PRKCE: variants seen among roughly 807,000 people sequenced by gnomAD.
PRKCE encodes the protein protein kinase C epsilon type.
PRKCE carries 16 observed loss-of-function variants against 85.4 expected under a neutral mutation model. That is an observed-to-expected ratio of 0.19 (90% CI 0.13 to 0.28). PRKCE has a LOEUF of 0.28. Among genes scored for constraint, PRKCE ranks in the 10% least tolerant of loss-of-function variants. The probability of loss-of-function intolerance (pLI) is 1.00; values close to 1 mark genes in which losing one functional copy is unlikely to be tolerated. For missense variants in PRKCE, 573 were observed against 975.2 expected (o/e 0.59, Z 5.49); for synonymous variants, 388 against 371.5 (o/e 1.04, Z -0.51).
At chr2:45,780,348 A>C (rs1185157821) in intron 1 of PRKCE, among the ~76,000 whole-genome samples, 1 of 151,988 alleles carries the variant, frequency 6.6e-6, no homozygotes, top group Non-Finnish European at 1.5e-5. Context: ...TTGTCCTGTA[A>C]AGTTTCCCAC....
intron 2 of PRKCE, among the ~76,000 whole-genome samples, chr2:45,925,215 T>A (rs1698521650): frequency 6.6e-6 from 1 of 152,202 alleles, no homozygotes; most frequent in African/African-American, 2.4e-5. Flanking sequence ...GGTGTTCCCC[T>A]TTCCTTTCCT....
chr2:45,711,265 T>C (rs748048421), intron 1 of PRKCE, among the ~76,000 whole-genome samples: 1 of 152,172 alleles, frequency 6.6e-6, no homozygotes, highest in East Asian at 1.9e-4. Flanking sequence ...ACCAGAGTAA[T>C]AGACAACAGC....
chr2:46,044,990 G>A (rs148226624), intron 10 of PRKCE, among the ~76,000 whole-genome samples: 2 of 152,182 alleles, frequency 1.3e-5, no homozygotes, highest in Non-Finnish European at 2.9e-5. Flanking sequence ...TTATTTTACA[G>A]AGCAGTATAC....
At chr2:46,108,197 C>T (rs557480825) in intron 11 of PRKCE, among the ~76,000 whole-genome samples, 17 of 152,304 alleles carry the variant, frequency 1.1e-4, no homozygotes, top group African/African-American at 3.9e-4. Flanking sequence ...AGGTGTGAGC[C>T]TCCATGCCTG....
chr2:45,744,467 T>TTC (rs1181751159), intron 1 of PRKCE, among the ~76,000 whole-genome samples: 706 of 64,522 alleles, frequency 0.011, 21 homozygotes, highest in Non-Finnish European at 0.016. Context: ...CTTTCTTTCT[T>TTC]TCTTTCTTTC....
intron 1 of PRKCE, among the ~76,000 whole-genome samples, chr2:45,720,201 G>C (rs1370372437): frequency 6.6e-6 from 1 of 152,176 alleles, no homozygotes; most frequent in Non-Finnish European, 1.5e-5. Flanking sequence ...AGGGAAACAA[G>C]ACTTCAAAGC....
At chr2:45,668,662 C>T (rs1676022656) in intron 1 of PRKCE, among the ~76,000 whole-genome samples, 1 of 152,040 alleles carries the variant, frequency 6.6e-6, no homozygotes. Flanking sequence ...CACTTTTCAC[C>T]CTCTCGGTGC....
At chr2:45,777,033 G>A (rs1685805424) in intron 1 of PRKCE, among the ~76,000 whole-genome samples, 2 of 152,240 alleles carry the variant, frequency 1.3e-5, no homozygotes, top group African/African-American at 2.4e-5. Context: ...GGCTGTGTGG[G>A]TCTTGGAAGA....
intron 1 of PRKCE, among the ~76,000 whole-genome samples, chr2:45,778,384 C>A (rs557130043): frequency 6.6e-6 from 1 of 152,266 alleles, no homozygotes; most frequent in Non-Finnish European, 1.5e-5. Context: ...GGAGTTTATG[C>A]TCTGGGAGAC....
At chr2:45,815,764 G>C (rs180892992) in intron 1 of PRKCE, among the ~76,000 whole-genome samples, 1 of 152,320 alleles carries the variant, frequency 6.6e-6, no homozygotes, top group Admixed American at 6.5e-5. Flanking sequence ...CATGGATCTA[G>C]AGTGGAAAAT....
intron 7 of PRKCE, among the ~76,000 whole-genome samples, chr2:46,002,649 CTT>C (rs1032297588): frequency 1.5e-4 from 23 of 152,174 alleles, no homozygotes; most frequent in Non-Finnish European, 3.2e-4. Context: ...ATAACTGAGA[CTT>C]TGTGCTTTTG....
intron 11 of PRKCE, among the ~76,000 whole-genome samples, chr2:46,108,058 G>T (rs761703051): frequency 6.6e-6 from 1 of 152,180 alleles, no homozygotes; most frequent in East Asian, 1.9e-4. Flanking sequence ...CACCCAAGTA[G>T]CTGGGGCTAC....
Position 45,940,415 on chromosome 2 carries a change from T to C in PRKCE, c.413-36014T>C, listed in dbSNP as rs778328309. On this transcript the variant is annotated intron_variant, in intron 2 of 14. Transcript: ENST00000306156. The stretch of plus-strand genomic sequence containing the variant: ...TTAGCTTTAATATTTGATGTATGGA[T>C]GGCCAGAGTATGTGTTTATAATTTA... 5.9e-5 allele frequency among the ~76,000 whole-genome samples: 9 copies of C among 152,378 alleles called. No homozygotes were observed. In the Middle Eastern group the frequency reaches 0.014, roughly 230 times the overall value.
At chr2:45,821,149 G>A (rs1689498451) in intron 1 of PRKCE, among the ~76,000 whole-genome samples, 1 of 152,212 alleles carries the variant, frequency 6.6e-6, no homozygotes, top group Admixed American at 6.5e-5. Flanking sequence ...CTCACAGGCT[G>A]TGGGCATACT....
intron 1 of PRKCE, among the ~76,000 whole-genome samples, chr2:45,667,911 C>T (rs1348934524): frequency 6.6e-6 from 1 of 152,168 alleles, no homozygotes; most frequent in Non-Finnish European, 1.5e-5. Flanking sequence ...CCTGGTCCCA[C>T]CACTGAACCA....
At chr2:45,705,388 C>G (rs550788754) in intron 1 of PRKCE, among the ~76,000 whole-genome samples, 26 of 152,274 alleles carry the variant, frequency 1.7e-4, no homozygotes, top group African/African-American at 6.0e-4. Context: ...AAAATTTTAG[C>G]TGAAAAGGAT....
chr2:45,935,414 AT>A (rs1699370528), intron 2 of PRKCE, among the ~76,000 whole-genome samples: 1 of 152,216 alleles, frequency 6.6e-6, no homozygotes, highest in Non-Finnish European at 1.5e-5. Flanking sequence ...TAGCTAAAAA[AT>A]ATTAATACTT....
intron 6 of PRKCE, among the ~76,000 whole-genome samples, chr2:45,998,151 C>G (rs1195734837): frequency 6.6e-6 from 1 of 152,052 alleles, no homozygotes; most frequent in African/African-American, 2.4e-5. Flanking sequence ...TGATAGATGT[C>G]AGTTATATTC....
intron 1 of PRKCE, among the ~76,000 whole-genome samples, chr2:45,784,553 G>A (rs1171242154): frequency 6.6e-6 from 1 of 152,182 alleles, no homozygotes; most frequent in African/African-American, 2.4e-5. Flanking sequence ...GCCCCAAATT[G>A]TAGATCTCAT....
Sources: gnomAD v4.1 joint callset for allele counts (sites outside exome capture counted in the v4.1 genomes callset) on GRCh38, gnomAD v4.1.1 for gene constraint, MANE v1.5 for transcripts, NCBI Gene and HGNC (gene_info 2026-07-23, HGNC 2026-07-21) for gene names.